ANK1: variants seen among roughly 807,000 people sequenced by gnomAD.
ANK1 encodes the protein ankyrin-1.
ANK1 carries 51 observed loss-of-function variants against 210.4 expected under a neutral mutation model. That is an observed-to-expected ratio of 0.24 (90% CI 0.19 to 0.31). ANK1 has a LOEUF of 0.31. ANK1 is among the 10% of genes least tolerant of loss of function. ANK1 has a pLI of 1.00. For missense variants in ANK1, 2,051 were observed against 2,504.4 expected (o/e 0.82, Z 3.86); for synonymous variants, 967 against 1,025.9 (o/e 0.94, Z 1.10).
chr8:41,869,167 C>G (rs1210340135), intron 1 of ANK1, among the ~76,000 whole-genome samples: 1 of 151,742 alleles, frequency 6.6e-6, no homozygotes, highest in East Asian at 1.9e-4. Flanking sequence ...GACGAATTGT[C>G]CCTAATCCCT....
intron 6 of ANK1, among the ~76,000 whole-genome samples, chr8:41,725,101 A>G (rs1830342437): frequency 6.6e-6 from 1 of 152,182 alleles, no homozygotes; most frequent in Admixed American, 6.5e-5. Flanking sequence ...GGCTCAAACC[A>G]TCCTCCTGCC....
chr8:41,778,658 A>T (rs959873131), intron 1 of ANK1, among the ~76,000 whole-genome samples: 3 of 152,226 alleles, frequency 2.0e-5, no homozygotes, highest in African/African-American at 7.2e-5. Flanking sequence ...AAGCTGTGTG[A>T]ATGTTATGTA....
chr8:41,890,428 T>C (rs1015307790), intron 1 of ANK1, among the ~76,000 whole-genome samples: 2 of 151,780 alleles, frequency 1.3e-5, no homozygotes, highest in Non-Finnish European at 2.9e-5. Context: ...ACTGGCTGGG[T>C]GGGGGCACAA....
chr8:41,751,052 A>G (rs771069916), intron 2 of ANK1, among the ~76,000 whole-genome samples: 1 of 152,182 alleles, frequency 6.6e-6, no homozygotes, highest in Non-Finnish European at 1.5e-5. Flanking sequence ...TTCAGGGGAC[A>G]CAGGCCGGCA....
chr8:41,672,218 G>C, intron 38 of ANK1, 136 bp downstream of exon 38: 2 of 943,474 alleles, frequency 2.1e-6, no homozygotes, highest in East Asian at 2.6e-5. Flanking sequence ...CTGCCAGACT[G>C]AATGTATGTG....
At chr8:41,784,964 T>A (rs1445620699) in intron 1 of ANK1, among the ~76,000 whole-genome samples, 3 of 152,214 alleles carry the variant, frequency 2.0e-5, no homozygotes, top group Admixed American at 6.5e-5. Context: ...AAGGGTTCCA[T>A]CTGAAATGCT....
chr8:41,681,255 G>A (rs766931254), intron 37 of ANK1, among the ~76,000 whole-genome samples: 1 of 152,228 alleles, frequency 6.6e-6, no homozygotes, highest in Admixed American at 6.5e-5. Context: ...TGATTTATCA[G>A]GTCAAATGGA....
intron 38 of ANK1, among the ~76,000 whole-genome samples, chr8:41,671,017 G>T (rs980272413): frequency 2.6e-5 from 4 of 152,322 alleles, no homozygotes; most frequent in South Asian, 2.1e-4. Context: ...ATCCTTCCCT[G>T]CACTCAGCGG....
At chr8:41,765,173 CCTTTCTTT>C (rs34701042) in intron 1 of ANK1, among the ~76,000 whole-genome samples, 6 of 147,572 alleles carry the variant, frequency 4.1e-5, no homozygotes, top group Non-Finnish European at 7.4e-5. Flanking sequence ...CCTTTCTTTT[CCTTTCTTT>C]CTTTCTTTCT....
At chr8:41,822,048 T>A (rs1804356207) in intron 1 of ANK1, among the ~76,000 whole-genome samples, 1 of 135,758 alleles carries the variant, frequency 7.4e-6, no homozygotes. Context: ...AGACTCCATC[T>A]CAAAAGAAAG....
intron 1 of ANK1, among the ~76,000 whole-genome samples, chr8:41,872,310 C>G (rs1055316822): frequency 1.3e-5 from 2 of 152,232 alleles, no homozygotes; most frequent in African/African-American, 4.8e-5. Context: ...CTCTGTCCAG[C>G]CGCCCACCCC....
At position 41,832,670 on chromosome 8, in the gene ANK1, G is replaced by A. The variant is rs376013112; in HGVS notation, c.126+63685C>T. On this transcript the variant is annotated intron_variant, in intron 1 of 42. Transcript: ENST00000265709. ...CACTGGGAGTGACCCCTCCCTGCAAGGGAGATTTCTCATCCCCCAGGGTTC... is the reference window on the plus strand; with the variant it reads ...CACTGGGAGTGACCCCTCCCTGCAAAGGAGATTTCTCATCCCCCAGGGTTC... Among the ~76,000 whole-genome samples the A allele has an allele frequency of 1.1e-3, 172 of 152,332 alleles. 1 individual carries two copies. The highest frequency in any genetic ancestry group is 4.0e-3 in the African/African-American group (166 of 41,570).
rs1808065410 is a variant in ANK1 at position 41,661,355 on chromosome 8, G to A, written c.*36+75C>T. The A allele has an allele frequency of 3.2e-6, 5 of 1,583,036 alleles. No individual in the cohort carries two copies. The East Asian group carries it at 6.8e-5, about 22-fold the overall frequency. On this transcript the variant is annotated intron_variant, in intron 42 of 42. Transcript: ENST00000289734. ...ACATCATGCTGGGGTGGCTGGGAGG[G>A]GATAGGGTGAGACAGGGAGCAGCCA... is the stretch of plus-strand genomic sequence containing the variant.
intron 39 of ANK1, chr8:41,665,201 AC>A: frequency 1.3e-6 from 2 of 1,530,056 alleles, no homozygotes; most frequent in South Asian, 1.2e-5. Context: ...TGGGCAGGAC[AC>A]CGAATGGCCC....
chr8:41,795,760 G>T (rs1848624987), intron 1 of ANK1, among the ~76,000 whole-genome samples: 1 of 152,128 alleles, frequency 6.6e-6, no homozygotes. Context: ...AAGGGTGGGT[G>T]GGGGGCAAGA....
chr8:41,800,686 T>G (rs567286348), upstream of ANK1, among the ~76,000 whole-genome samples: 5 of 152,272 alleles, frequency 3.3e-5, no homozygotes, highest in Admixed American at 3.3e-4. Context: ...TTATCATCCC[T>G]TGTTTCTCTC....
Position 41,719,697 on chromosome 8 carries a change from A to G in ANK1, c.1071T>C (p.Leu357=), listed in dbSNP as rs1326706930. 3 of 1,614,016 alleles carry G rather than the reference A, an allele frequency of 1.9e-6. No homozygotes were observed. Residue 357 remains leucine, a synonymous_variant, in exon 10 of 43, where the codon CTT becomes CTC. Transcript: ENST00000289734. ...HCGHHRVAKV[L]LDKGAKPNSR... is the part of the protein sequence containing the mutation. Reference sequence around the variant, plus strand: ...AGTTGGGTTTGGCCCCTTTATCCAGAAGGACCTTAGCCACCCTGTGGTGTC... The same window carrying G: ...AGTTGGGTTTGGCCCCTTTATCCAGGAGGACCTTAGCCACCCTGTGGTGTC...
chr8:41,758,498 A>AT (rs1839714575), intron 1 of ANK1, among the ~76,000 whole-genome samples: 2 of 151,362 alleles, frequency 1.3e-5, no homozygotes, highest in South Asian at 4.2e-4. Flanking sequence ...AAGCCCAACT[A>AT]TTTTTTTAAA....
At chr8:41,664,764 C>A (rs1809820736) in intron 39 of ANK1, 1 of 1,558,018 alleles carries the variant, frequency 6.4e-7, no homozygotes, top group Non-Finnish European at 8.7e-7. Flanking sequence ...GCCTCCGGCG[C>A]CCACACCACC....
Sources: allele counts gnomAD v4.1 joint callset (sites outside exome capture counted in the v4.1 genomes callset), GRCh38; gene constraint gnomAD v4.1.1; transcripts MANE v1.5; gene names NCBI Gene and HGNC (gene_info 2026-07-23, HGNC 2026-07-21).